TMEM236: variants seen among roughly 807,000 people sequenced by gnomAD.
TMEM236 encodes the protein transmembrane protein 236, also known as family with sequence similarity 23, member A.
Under a neutral mutation model 14.7 loss-of-function variants are expected in TMEM236, and 11 were observed. The observed-to-expected ratio is 0.75, with a 90% confidence interval of 0.47 to 1.24. TMEM236 has a LOEUF of 1.24. TMEM236 is among the 50% of genes most tolerant of loss of function. The pLI, the probability that TMEM236 is intolerant of heterozygous loss-of-function variation, is 0.00. For synonymous variants in TMEM236, 182 were observed against 168.6 expected (o/e 1.08, Z -0.62); for missense variants, 464 against 427.3 (o/e 1.09, Z -0.76).
At chr10:17,754,324 C>T (rs1320614564) in intron 1 of TMEM236, among the ~76,000 whole-genome samples, 4 of 152,080 alleles carry the variant, frequency 2.6e-5, no homozygotes, top group African/African-American at 9.7e-5. Flanking sequence ...TTTTTATTTA[C>T]TTATTTTTTA....
intron 1 of TMEM236, among the ~76,000 whole-genome samples, chr10:17,761,580 G>A (rs1431996052): frequency 1.3e-5 from 2 of 151,774 alleles, no homozygotes; most frequent in Non-Finnish European, 2.9e-5. Flanking sequence ...TGTAGTCCCC[G>A]GTACTCAGGA....
At position 17,761,113 on chromosome 10, in the gene TMEM236, A is replaced by AGAT. The variant is rs1837355725; in HGVS notation, c.257+8562_257+8563insATG. ...TCTTCCTCTTCCTCTCTCTTGCATC[A>AGAT]GCTCCTTGTTCTCCATGGCTGTTTC... On this transcript the variant is annotated intron_variant, in intron 1 of 3. Coordinates refer to ENST00000377495, the MANE Select transcript of TMEM236 (RefSeq NM_001098844.3). Among the ~76,000 whole-genome samples, 3 of 152,198 alleles carry AGAT rather than the reference A, an allele frequency of 2.0e-5. No homozygotes were observed. The South Asian group carries it at 6.2e-4, about 32-fold the overall frequency.
chr10:17,762,537 T>A (rs1450272100), intron 1 of TMEM236, among the ~76,000 whole-genome samples: 1 of 144,514 alleles, frequency 6.9e-6, no homozygotes, highest in East Asian at 2.0e-4. Flanking sequence ...GCTCTATGGG[T>A]TTGTTTAAAT....
chr10:17,780,183 T>C (rs1292590395), intron 3 of TMEM236, among the ~76,000 whole-genome samples: 1 of 152,162 alleles, frequency 6.6e-6, no homozygotes, highest in Non-Finnish European at 1.5e-5. Flanking sequence ...TGGCTGAATG[T>C]GGCAGAGCCA....
At chr10:17,787,443 C>G (rs1554835787) in intron 3 of TMEM236, among the ~76,000 whole-genome samples, 2 of 152,240 alleles carry the variant, frequency 1.3e-5, no homozygotes, top group Non-Finnish European at 2.9e-5. Flanking sequence ...ATAGGGGCAT[C>G]TGAGTGGTAG....
At chr10:17,778,728 G>A (rs1462179600) in intron 3 of TMEM236, among the ~76,000 whole-genome samples, 2 of 152,164 alleles carry the variant, frequency 1.3e-5, no homozygotes, top group South Asian at 4.1e-4. Flanking sequence ...AATCTACAAC[G>A]TTTTGATTTA....
chr10:17,768,755 G>GTGTGTT (rs1837517978), intron 1 of TMEM236, among the ~76,000 whole-genome samples: 1 of 151,936 alleles, frequency 6.6e-6, no homozygotes, highest in African/African-American at 2.4e-5. Context: ...GTGTGTGTGT[G>GTGTGTT]TGTGTGCCTG....
intron 3 of TMEM236, among the ~76,000 whole-genome samples, chr10:17,781,270 C>T (rs1837743128): frequency 1.3e-5 from 2 of 152,214 alleles, no homozygotes; most frequent in African/African-American, 4.8e-5. Flanking sequence ...CCCGTACCCT[C>T]ATATCTGCCT....
chr10:17,796,546 G>T lies in TMEM236; in HGVS notation c.*42G>T. 6.7e-7 allele frequency: 1 copy of T among 1,486,570 alleles called. No homozygotes were observed. Among genetic ancestry groups the T allele is most frequent in the Non-Finnish European group, 9.4e-7 (1 of 1,064,946 alleles). The allele number at this position is 1,486,570 out of a possible 1,614,324, so 92.1% of individuals were successfully genotyped here. ...AGTAAGGCCTCTTTGTGATACCTGT[G>T]TGCACATTTGTAATCCTTCTTTTTT... On this transcript the variant is annotated 3_prime_UTR_variant, in exon 4 of 4. Coordinates refer to ENST00000377495, the MANE Select transcript of TMEM236 (RefSeq NM_001098844.3).
chr10:17,772,705 G>A (rs902845067), intron 2 of TMEM236, among the ~76,000 whole-genome samples: 10 of 152,136 alleles, frequency 6.6e-5, no homozygotes, highest in African/African-American at 1.9e-4. Context: ...GGTAAGCATC[G>A]CTCAAGTCAA....
chr10:17,795,562 T>A (rs1464958413), intron 3 of TMEM236, among the ~76,000 whole-genome samples: 1 of 152,192 alleles, frequency 6.6e-6, no homozygotes, highest in Non-Finnish European at 1.5e-5. Flanking sequence ...CACCTCTATG[T>A]TTTTTCAATG....
chr10:17,774,350 ATT>A, intron 2 of TMEM236, among the ~76,000 whole-genome samples: 1 of 152,220 alleles, frequency 6.6e-6, no homozygotes. Context: ...CAGCCTCCTA[ATT>A]ATATTTTGAA....
intron 3 of TMEM236, among the ~76,000 whole-genome samples, chr10:17,777,580 G>C (rs1234690536): frequency 1.3e-5 from 2 of 151,536 alleles, no homozygotes; most frequent in Non-Finnish European, 2.9e-5. Context: ...AGCTGTGCAC[G>C]GCTGCACCCA....
chr10:17,785,744 C>G lies in TMEM236; in HGVS notation c.472+9574C>G, dbSNP rs1004727640. ...AGGAACACTGTGTCCGGGGACCAACCGGGGGGGGATATTTCCTTTCCTACC... is the reference window on the plus strand; with the variant it reads ...AGGAACACTGTGTCCGGGGACCAACGGGGGGGGGATATTTCCTTTCCTACC... On this transcript the variant is annotated intron_variant, in intron 3 of 3. Coordinates refer to ENST00000377495, the MANE Select transcript of TMEM236 (RefSeq NM_001098844.3). 3.2e-3 allele frequency among the ~76,000 whole-genome samples: 477 copies of G among 151,300 alleles called. 1 individual carries two copies. The highest frequency in any genetic ancestry group is 0.011 in the African/African-American group (458 of 41,166).
intron 2 of TMEM236, among the ~76,000 whole-genome samples, chr10:17,774,589 T>A (rs1329023595): frequency 3.3e-5 from 5 of 152,224 alleles, no homozygotes; most frequent in African/African-American, 1.2e-4. Flanking sequence ...ACTGTCTTAG[T>A]TCTTGCAGCT....
At chr10:17,756,095 C>T (rs936725870) in intron 1 of TMEM236, among the ~76,000 whole-genome samples, 8 of 152,062 alleles carry the variant, frequency 5.3e-5, no homozygotes, top group Admixed American at 1.3e-4. Context: ...AGTGAGACCT[C>T]GTCTCTACAA....
intron 2 of TMEM236, among the ~76,000 whole-genome samples, chr10:17,774,741 T>C (rs1198740422): frequency 6.6e-6 from 1 of 152,078 alleles, no homozygotes; most frequent in Non-Finnish European, 1.5e-5. Flanking sequence ...GTGGTTGAAG[T>C]TGCATTGAAT....
At chr10:17,793,634 C>A (rs1349497199) in intron 3 of TMEM236, among the ~76,000 whole-genome samples, 1 of 152,136 alleles carries the variant, frequency 6.6e-6, no homozygotes, top group African/African-American at 2.4e-5. Context: ...CAGGTGCCCA[C>A]CACCACTCCC....
intron 3 of TMEM236, among the ~76,000 whole-genome samples, chr10:17,784,317 A>C (rs1173732544): frequency 1.3e-5 from 2 of 152,190 alleles, no homozygotes; most frequent in Non-Finnish European, 2.9e-5. Context: ...GAGCTGGCAA[A>C]GTTTTTAGAC....
Sources: gnomAD v4.1 joint callset for allele counts (sites outside exome capture counted in the v4.1 genomes callset) on GRCh38, gnomAD v4.1.1 for gene constraint, MANE v1.5 for transcripts, NCBI Gene and HGNC (gene_info 2026-07-23, HGNC 2026-07-21) for gene names.